Variants in EGLN1 observed in about 807,000 individuals in gnomAD.
The protein encoded by EGLN1 is egl nine homolog 1.
Under a neutral mutation model 38.3 loss-of-function variants are expected in EGLN1, and 17 were observed. That is an observed-to-expected ratio of 0.44 (90% CI 0.30 to 0.67). The LOEUF is 0.67. Ranked by LOEUF, EGLN1 falls within the 30% of genes least tolerant of loss-of-function variation. The pLI is 0.08. For missense variants in EGLN1, 477 were observed against 603.3 expected (o/e 0.79, Z 2.19); for synonymous variants, 283 against 257.5 (o/e 1.10, Z -0.95).
rs1687641331 is a variant in EGLN1, at chr1:231,366,248, A to G, written c.*163T>C. 5 of 705,970 alleles carry G rather than the reference A, an allele frequency of 7.1e-6. No homozygotes were observed. In the East Asian group the frequency reaches 8.1e-5, roughly 11 times the overall value. The allele number at this position is 705,970 out of a possible 1,614,324, so 43.7% of individuals were successfully genotyped here. Reference sequence around the variant, plus strand: ...TGATCATGCAGTACAAAGTCACAGCAGTCAAAATCTTCTGTTTGATGCAAC... The same window carrying G: ...TGATCATGCAGTACAAAGTCACAGCGGTCAAAATCTTCTGTTTGATGCAAC... On this transcript the variant is annotated 3_prime_UTR_variant, in exon 5 of 5. Coordinates refer to ENST00000366641, the MANE Select transcript of EGLN1 (RefSeq NM_022051.3).
intron 1 of EGLN1, 53 bp downstream of exon 1, chr1:231,420,945 G>A: frequency 6.2e-7 from 1 of 1,613,616 alleles, no homozygotes; most frequent in African/African-American, 1.3e-5. Context: ...TCGCAGGCAG[G>A]GGCTGCCCGC....
Position 231,421,854 on chromosome 1 carries a change from C to G in EGLN1, c.35G>C (p.Ser12Thr). Residue 12 changes from serine to threonine, a missense_variant, in exon 1 of 5, where the codon AGC (serine) becomes ACC (threonine). By Grantham distance (58) the Ser-to-Thr change is moderately conservative. Around this residue, in one of 4 missense-constraint regions of EGLN1, gnomAD observed 298 missense variants for 288.9 expected, o/e 1.03. Coordinates refer to ENST00000366641, the MANE Select transcript of EGLN1 (RefSeq NM_022051.3). This position sits in a 1 kb window ranked among gnomAD's most constrained non-coding sequence, Gnocchi z 5.5. Reference protein sequence around the residue: ...ANDSGGPGGPSPSERDRQYCE... With the variant: ...ANDSGGPGGPTPSERDRQYCE... ...GTACTGCCGGTCTCGCTCGCTCGGG[C>G]TCGGCCCGCCGGGCCCGCCGCTGTC... 6.7e-7 allele frequency: 1 copy of G among 1,489,522 alleles called. No homozygotes were observed. Among genetic ancestry groups the G allele is most frequent in the East Asian group, 2.9e-5 (1 of 34,662 alleles). 92.3% of individuals were successfully genotyped at this position (1,489,522 alleles called of 1,614,324 possible). A position where few individuals can be genotyped will look rare whatever the true frequency, so the allele number is the denominator to read the frequency against.
At chr1:231,407,615 C>A (rs1200369940) in intron 1 of EGLN1, among the ~76,000 whole-genome samples, 1 of 152,082 alleles carries the variant, frequency 6.6e-6, no homozygotes, top group Non-Finnish European at 1.5e-5. Context: ...GAAGGATTCA[C>A]ACACCATTGG....
intron 1 of EGLN1, among the ~76,000 whole-genome samples, chr1:231,410,014 G>GA (rs1189813923): frequency 1.4e-4 from 21 of 152,006 alleles, no homozygotes; most frequent in Non-Finnish European, 2.9e-4. Flanking sequence ...AGACTAGAGG[G>GA]AAAAAAAGAG....
intron 1 of EGLN1, among the ~76,000 whole-genome samples, chr1:231,419,918 T>A (rs1421137025): frequency 3.3e-5 from 5 of 152,162 alleles, no homozygotes; most frequent in Non-Finnish European, 7.3e-5. Context: ...AACATGCAAC[T>A]GTGATGCTCT....
chr1:231,410,985 G>A (rs762079323), intron 1 of EGLN1, among the ~76,000 whole-genome samples: 5 of 151,842 alleles, frequency 3.3e-5, no homozygotes, highest in African/African-American at 7.3e-5. Flanking sequence ...AGAATTAAAG[G>A]GTAATTATAT....
At chr1:231,389,611 C>T (rs1572032234) in intron 1 of EGLN1, among the ~76,000 whole-genome samples, 1 of 152,126 alleles carries the variant, frequency 6.6e-6, no homozygotes, top group African/African-American at 2.4e-5. Context: ...TTCACCTTCA[C>T]AAAAGAGAGC....
intron 1 of EGLN1, among the ~76,000 whole-genome samples, chr1:231,412,840 A>G (rs1340247603): frequency 6.6e-6 from 1 of 152,218 alleles, no homozygotes; most frequent in African/African-American, 2.4e-5. Flanking sequence ...CAGAAGACTT[A>G]GGTCAAAATA....
chr1:231,384,653 G>A (rs1688152142), intron 1 of EGLN1, among the ~76,000 whole-genome samples: 1 of 152,160 alleles, frequency 6.6e-6, no homozygotes, highest in African/African-American at 2.4e-5. Flanking sequence ...CAGGTAAGGG[G>A]TTGGGGACGC....
At chr1:231,417,548 C>T (rs1455128533) in intron 1 of EGLN1, among the ~76,000 whole-genome samples, 2 of 152,074 alleles carry the variant, frequency 1.3e-5, no homozygotes, top group Non-Finnish European at 2.9e-5. Context: ...CTTTCTACTG[C>T]ATATCATTGA....
At position 231,366,484 on chromosome 1, in the gene EGLN1, T is replaced by TA. The variant is rs371155853; in HGVS notation, c.1217-10dup. ...CCTCACACCTTTTTCACCTGCAAGGTAAAAAAAAAAAAAATTTTCATTCAT... is the reference window on the plus strand; with the variant it reads ...CCTCACACCTTTTTCACCTGCAAGGTAAAAAAAAAAAAAAATTTTCATTCAT... On this transcript the variant is annotated splice_polypyrimidine_tract_variant and intron_variant, in intron 4 of 4. Coordinates refer to ENST00000366641, the MANE Select transcript of EGLN1 (RefSeq NM_022051.3). 0.045 allele frequency: 47,328 copies of TA among 1,063,444 alleles called. 55 individuals carry two copies. Among genetic ancestry groups the TA allele is most frequent in the East Asian group, 0.075 (2,316 of 30,722 alleles). 65.9% of individuals were successfully genotyped at this position (1,063,444 alleles called of 1,614,324 possible).
In EGLN1 at chr1:231,421,542, G is replaced by A; in HGVS notation, c.347C>T (p.Pro116Leu). The change falls in exon 1 of 5, where the codon CCC (proline) becomes CTC (leucine). Residue 116 changes from proline to leucine, a missense_variant. Pro to Leu is a moderately conservative substitution (Grantham distance 98). Transcript: ENST00000366641. The surrounding 1 kb of genome is among the most constrained non-coding windows in gnomAD (Gnocchi z 5.5). ...DAAKGKVKAK[P>L]PADPAAAASP... is the part of the protein sequence containing the mutation. ...CGCGGCCGCCGCTGGGTCGGCCGGG[G>A]GCTTGGCCTTTACTTTTCCCTTGGC... 3 of 1,305,450 alleles carry A rather than the reference G, an allele frequency of 2.3e-6. No individual in the cohort carries two copies. The highest frequency in any genetic ancestry group is 6.4e-5 in the East Asian group (2 of 31,348). The allele number at this position is 1,305,450 out of a possible 1,614,324, so 80.9% of individuals were successfully genotyped here. A position where few individuals can be genotyped will look rare whatever the true frequency, so the allele number is the denominator to read the frequency against.
intron 2 of EGLN1, among the ~76,000 whole-genome samples, chr1:231,373,103 C>T (rs1339273160): frequency 6.6e-6 from 1 of 152,016 alleles, no homozygotes; most frequent in South Asian, 2.1e-4. Flanking sequence ...TTTAATGAGA[C>T]TCAGGCTAAT....
intron 1 of EGLN1, among the ~76,000 whole-genome samples, chr1:231,406,290 G>A (rs1444602429): frequency 1.3e-5 from 2 of 151,962 alleles, no homozygotes; most frequent in Non-Finnish European, 2.9e-5. Flanking sequence ...AAGGACAAGA[G>A]GAAAAAGAGA....
chr1:231,406,283 G>A (rs938997414), intron 1 of EGLN1, among the ~76,000 whole-genome samples: 1 of 152,014 alleles, frequency 6.6e-6, no homozygotes, highest in Non-Finnish European at 1.5e-5. Flanking sequence ...GGGTTAAAAG[G>A]ACAAGAGGAA....
At chr1:231,391,185 A>ACCACGACCGACGCGTGTGTGTGTGTGTG (rs1463818444) in intron 1 of EGLN1, among the ~76,000 whole-genome samples, 68 of 150,400 alleles carry the variant, frequency 4.5e-4, no homozygotes, top group South Asian at 1.0e-3. Context: ...TCATGGGCTC[A>ACCACGACCGACGCGTGTGTGTGTGTGTG]AGTGATCCTC....
At position 231,421,928 on chromosome 1, in the gene EGLN1, G is replaced by T; in HGVS notation, c.-40C>A. On this transcript the variant is annotated 5_prime_UTR_variant, in exon 1 of 5. Coordinates refer to ENST00000366641, the MANE Select transcript of EGLN1 (RefSeq NM_022051.3). This position sits in a 1 kb window ranked among gnomAD's most constrained non-coding sequence, Gnocchi z 5.5. ...CGGCGACGGCGACTGCGGCGGCCGA[G>T]CAGGAGGGGTAGCGGCCGGACGGCC... The T allele has an allele frequency of 7.3e-7, 1 of 1,365,238 alleles. No individual in the cohort carries two copies. Among genetic ancestry groups the T allele is most frequent in the East Asian group, 3.1e-5 (1 of 32,218 alleles). The allele number at this position is 1,365,238 out of a possible 1,614,324, so 84.6% of individuals were successfully genotyped here.
At chr1:231,378,272 A>G (rs976594205) in intron 1 of EGLN1, among the ~76,000 whole-genome samples, 2 of 152,162 alleles carry the variant, frequency 1.3e-5, no homozygotes, top group African/African-American at 4.8e-5. Context: ...ATAAACCAGA[A>G]AGCCTGAAAA....
chr1:231,395,336 G>GTCTCAGTGA (rs1688493703), intron 1 of EGLN1, among the ~76,000 whole-genome samples: 1 of 152,186 alleles, frequency 6.6e-6, no homozygotes, highest in African/African-American at 2.4e-5. Flanking sequence ...AATCTTTAGT[G>GTCTCAGTGA]TCTCAGTGAT....
Sources: allele counts gnomAD v4.1 joint callset (sites outside exome capture counted in the v4.1 genomes callset), GRCh38; gene constraint gnomAD v4.1.1; regional missense constraint gnomAD v4.1.1; non-coding constraint Gnocchi (gnomAD v3.1); transcripts MANE v1.5; gene names NCBI Gene and HGNC (gene_info 2026-07-23, HGNC 2026-07-21).